EVC2: variants seen among roughly 807,000 people sequenced by gnomAD.
The protein encoded by EVC2 is EvC ciliary complex subunit 2.
Under a neutral mutation model 149.3 loss-of-function variants are expected in EVC2, and 148 were observed. That is an observed-to-expected ratio of 0.99 (90% confidence interval 0.87 to 1.14). The LOEUF (loss-of-function observed/expected upper bound fraction) is 1.14, where lower values mean the gene tolerates loss of function less well. EVC2 is among the 50% of genes most tolerant of loss of function. EVC2 has a pLI of 0.00. For synonymous variants in EVC2, 776 were observed against 649.9 expected (o/e 1.19, Z -2.95); for missense variants, 1,854 against 1,627.3 (o/e 1.14, Z -2.40).
At chr4:5,583,618 T>C (rs566923199) in intron 17 of EVC2, among the ~76,000 whole-genome samples, 3 of 152,302 alleles carry the variant, frequency 2.0e-5, no homozygotes, top group African/African-American at 7.2e-5. Flanking sequence ...ATTTCAGTTT[T>C]TGAATTCATC....
chr4:5,568,423 C>A (rs1184491381), intron 20 of EVC2, 21 bp downstream of exon 20: 2 of 1,540,134 alleles, frequency 1.3e-6, no homozygotes, highest in South Asian at 1.2e-5. Flanking sequence ...CCCCGGGAGG[C>A]AGCCCCTCCA....
At chr4:5,541,886 C>G (rs939855834), downstream of EVC2, among the ~76,000 whole-genome samples, 1 of 152,126 alleles carries the variant, frequency 6.6e-6, no homozygotes, top group Non-Finnish European at 1.5e-5. Context: ...GAGTTTATGT[C>G]CCGAGCAATG....
At chr4:5,628,432 C>A (rs1716280051) in intron 12 of EVC2, 127 bp downstream of exon 12, 12 of 1,248,840 alleles carry the variant, frequency 9.6e-6, no homozygotes, top group Middle Eastern at 2.6e-4. Flanking sequence ...TTGAACTTCC[C>A]AGCCTCTAGA....
rs922318232 is a variant in EVC2 at position 5,620,109 on chromosome 4, C to G, written c.2502-1427G>C. Reference sequence around the variant, plus strand: ...GCTGACAACACTCTGAGGCCTGACCCCCAGGTCATGTGACACCCGTCTTGG... The same window carrying G: ...GCTGACAACACTCTGAGGCCTGACCGCCAGGTCATGTGACACCCGTCTTGG... On this transcript the variant is annotated intron_variant, in intron 14 of 21. Coordinates refer to ENST00000344408, the MANE Select transcript of EVC2 (RefSeq NM_147127.5). Among the ~76,000 whole-genome samples the G allele has an allele frequency of 2.6e-5, 4 of 152,120 alleles. No individual in the cohort carries two copies. The East Asian group carries it at 5.8e-4, about 22-fold the overall frequency.
chr4:5,691,539 T>C (rs1426366798), intron 3 of EVC2, among the ~76,000 whole-genome samples: 1 of 152,228 alleles, frequency 6.6e-6, no homozygotes, highest in Non-Finnish European at 1.5e-5. Context: ...GACATGAGCT[T>C]ACACCACAGT....
At chr4:5,547,290 G>A (rs1721641300) in intron 21 of EVC2, among the ~76,000 whole-genome samples, 1 of 152,244 alleles carries the variant, frequency 6.6e-6, no homozygotes, top group African/African-American at 2.4e-5. Flanking sequence ...AAGCCAAAGG[G>A]GTGCTGAAGG....
chr4:5,534,347 T>C, the EVC2 span, among the ~76,000 whole-genome samples: 1 of 152,196 alleles, frequency 6.6e-6, no homozygotes, highest in African/African-American at 2.4e-5. Flanking sequence ...CAACTATTGG[T>C]TCAGCGAGTG....
chr4:5,657,661 C>T lies in EVC2; in HGVS notation c.1145+5446G>A, dbSNP rs918255090. Among the ~76,000 whole-genome samples, 1 of 144,996 alleles carries T rather than the reference C, an allele frequency of 6.9e-6. No individual in the cohort carries two copies. Among genetic ancestry groups the T allele is most frequent in the African/African-American group, 2.5e-5 (1 of 40,386 alleles). ...GTTGGAGGCACTGGGGATGAATCAG[C>T]AAGCAAGACAGAAGGTCCCTGCACT... On this transcript the variant is annotated intron_variant, in intron 9 of 21. Transcript: ENST00000344408. This position sits in a 1 kb window ranked among gnomAD's most constrained non-coding sequence, Gnocchi z 4.7.
rs1215622906 is a variant in EVC2 at position 5,618,246 on chromosome 4, A to G, written c.2706+232T>C. Among the ~76,000 whole-genome samples, 1 of 152,204 alleles carries G rather than the reference A, an allele frequency of 6.6e-6. No homozygotes were observed. Among genetic ancestry groups the G allele is most frequent in the Non-Finnish European group, 1.5e-5 (1 of 68,036 alleles). On this transcript the variant is annotated intron_variant, in intron 15 of 21. Coordinates refer to ENST00000344408, the MANE Select transcript of EVC2 (RefSeq NM_147127.5). This position sits in a 1 kb window ranked among gnomAD's most constrained non-coding sequence, Gnocchi z 4.4. ...CACAGCTGCTGGTGGATGGTGCAACAGCCCAGGCAACAGGATCAGGGCACA... is the reference window on the plus strand; with the variant it reads ...CACAGCTGCTGGTGGATGGTGCAACGGCCCAGGCAACAGGATCAGGGCACA...
At chr4:5,609,700 G>A (rs766999780) in intron 16 of EVC2, among the ~76,000 whole-genome samples, 6 of 152,162 alleles carry the variant, frequency 3.9e-5, no homozygotes, top group Non-Finnish European at 7.3e-5. Flanking sequence ...GCCAAGGCAC[G>A]CTCACCCTGC....
Position 5,677,674 on chromosome 4 carries a change from A to G in EVC2, c.870+3586T>C, listed in dbSNP as rs2151720315. On this transcript the variant is annotated intron_variant, in intron 7 of 21. Coordinates refer to ENST00000344408, the MANE Select transcript of EVC2 (RefSeq NM_147127.5). This position sits in a 1 kb window ranked among gnomAD's most constrained non-coding sequence, Gnocchi z 4.3. Reference sequence around the variant, plus strand: ...TGCCTTTTATTACACTCATACAGCAACCAGCCACCTCCTCCTCCTGAGCAG... The same window carrying G: ...TGCCTTTTATTACACTCATACAGCAGCCAGCCACCTCCTCCTCCTGAGCAG... 6.6e-6 allele frequency among the ~76,000 whole-genome samples: 1 copy of G among 152,310 alleles called. No individual in the cohort carries two copies. Among genetic ancestry groups the G allele is most frequent in the Non-Finnish European group, 1.5e-5 (1 of 68,034 alleles).
the EVC2 span, among the ~76,000 whole-genome samples, chr4:5,535,243 G>A: frequency 2.0e-5 from 3 of 152,090 alleles, no homozygotes; most frequent in African/African-American, 4.8e-5. The surrounding 1 kb of genome is among the most constrained non-coding windows in gnomAD (Gnocchi z 4.7). Context: ...ACCCCCGAAC[G>A]TCAGCCCTGC....
chr4:5,699,078 C>A (rs192180638), intron 1 of EVC2, among the ~76,000 whole-genome samples: 11 of 152,296 alleles, frequency 7.2e-5, no homozygotes, highest in Non-Finnish European at 1.5e-4. Flanking sequence ...CCCAGCTGGG[C>A]TGGAGGCTGA....
chr4:5,595,873 G>T (rs1335026271), intron 16 of EVC2, among the ~76,000 whole-genome samples: 6 of 152,120 alleles, frequency 3.9e-5, no homozygotes, highest in African/African-American at 1.4e-4. Flanking sequence ...GATGGAGAAA[G>T]AGCTACCAAG....
chr4:5,616,243 C>A (rs951934472), intron 15 of EVC2, among the ~76,000 whole-genome samples: 1 of 152,188 alleles, frequency 6.6e-6, no homozygotes, highest in Non-Finnish European at 1.5e-5. Flanking sequence ...GGTCAGGGCC[C>A]AGGCCACAGG....
At chr4:5,577,201 G>C (rs1722986376) in intron 17 of EVC2, among the ~76,000 whole-genome samples, 1 of 152,238 alleles carries the variant, frequency 6.6e-6, no homozygotes, top group Admixed American at 6.5e-5. Context: ...TGTAACTATT[G>C]AGTGGCAGAT....
chr4:5,655,272 C>T (rs1718439607), intron 9 of EVC2, among the ~76,000 whole-genome samples: 1 of 152,184 alleles, frequency 6.6e-6, no homozygotes, highest in Admixed American at 6.5e-5. Flanking sequence ...GGCTGCTGTC[C>T]ACCTTAGCTG....
intron 19 of EVC2, 133 bp from the exon 20 acceptor site, chr4:5,568,773 G>T: frequency 8.7e-7 from 1 of 1,153,846 alleles, no homozygotes; most frequent in Non-Finnish European, 1.2e-6. Context: ...TGGAAAACAT[G>T]TTCCCGAACT....
chr4:5,663,128 C>T lies in EVC2; in HGVS notation c.1124G>A (p.Ser375Asn), dbSNP rs1009838703. 1.2e-6 allele frequency: 2 copies of T among 1,614,038 alleles called. No homozygotes were observed. The highest frequency in any genetic ancestry group is 1.7e-6 in the Non-Finnish European group (2 of 1,180,016). Reference protein sequence around the residue: ...IDILSSEDPGSMLQALEELEI... With the variant: ...IDILSSEDPGNMLQALEELEI... ...TTACTCTTCTAAGGCTTGAAGCATGCTCCCAGGGTCCTCGGAAGACAGAAT... is the reference window on the plus strand; with the variant it reads ...TTACTCTTCTAAGGCTTGAAGCATGTTCCCAGGGTCCTCGGAAGACAGAAT... Residue 375 changes from serine to asparagine, a missense_variant, in exon 9 of 22, where the codon AGC becomes AAC. Ser to Asn is a conservative substitution (Grantham distance 46, BLOSUM62 1). Coordinates refer to ENST00000344408, the MANE Select transcript of EVC2 (RefSeq NM_147127.5).
Sources: gnomAD v4.1 joint callset for allele counts (sites outside exome capture counted in the v4.1 genomes callset) on GRCh38, gnomAD v4.1.1 for gene constraint, Gnocchi (gnomAD v3.1) non-coding constraint, MANE v1.5 for transcripts, NCBI Gene and HGNC (gene_info 2026-07-23, HGNC 2026-07-21) for gene names.